The following TET1 variants were observed in gnomAD, a reference collection of about 807,000 sequenced individuals.
The protein encoded by TET1 is tet methylcytosine dioxygenase 1, also known as methylcytosine dioxygenase TET1.
A neutral mutation model predicts 148.7 loss-of-function variants in TET1; 13 were observed. That is an observed-to-expected ratio of 0.09 (90% CI 0.06 to 0.14). The LOEUF (loss-of-function observed/expected upper bound fraction) is 0.14. Ranked by LOEUF, TET1 falls within the 10% of genes least tolerant of loss-of-function variation. The pLI is 1.00. For synonymous variants in TET1, 907 were observed against 937.2 expected (o/e 0.97, Z 0.59); for missense variants, 2,182 against 2,553.8 (o/e 0.85, Z 3.14).
chr10:68,588,478 T>TA (rs1240577010), intron 2 of TET1, among the ~76,000 whole-genome samples: 7 of 152,192 alleles, frequency 4.6e-5, no homozygotes, highest in Non-Finnish European at 1.0e-4. Flanking sequence ...TTGAATGGTA[T>TA]GTGTTCATTT....
At chr10:68,632,524 A>G (rs1003619941) in intron 3 of TET1, 18 of 1,612,630 alleles carry the variant, frequency 1.1e-5, no homozygotes, top group Non-Finnish European at 1.4e-5. Flanking sequence ...TTTTTTGTTC[A>G]CTAGTAGAAT....
chr10:68,620,865 T>C (rs778929877), intron 3 of TET1, among the ~76,000 whole-genome samples: 4 of 152,222 alleles, frequency 2.6e-5, no homozygotes, highest in African/African-American at 7.2e-5. Flanking sequence ...TTTAGCCTCC[T>C]AGTGGGTGGC....
Position 68,691,974 on chromosome 10 carries a change from CTG to C in TET1, c.*163_*164del. ...AACAAAACGGGGTGGGTATTCTTAACTGTGACTATATTTTGACAATTGGTAGA... is the reference window on the plus strand; with the variant it reads ...AACAAAACGGGGTGGGTATTCTTAACTGACTATATTTTGACAATTGGTAGA... On this transcript the variant is annotated 3_prime_UTR_variant, in exon 12 of 12. Transcript: ENST00000373644. This position sits in a 1 kb window ranked among gnomAD's most constrained non-coding sequence, Gnocchi z 4.4. 1.2e-6 allele frequency: 1 copy of C among 821,162 alleles called. No homozygotes were observed. The highest frequency in any genetic ancestry group is 2.6e-5 in the East Asian group (1 of 39,016). 50.9% of individuals were successfully genotyped at this position (821,162 alleles called of 1,614,324 possible).
Position 68,652,408 on chromosome 10 carries a change from A to G in TET1, c.4368-93A>G, listed in dbSNP as rs560119186. 2.2e-4 allele frequency: 175 copies of G among 788,316 alleles called. No homozygotes were observed. In the East Asian group the frequency reaches 3.7e-3, roughly 16 times the overall value. 48.8% of individuals were successfully genotyped at this position (788,316 alleles called of 1,614,324 possible). ...CTAATTTTTGAACTTCTGTACATCT[A>G]TATCTTATATACATTAAGATGTTCA... On this transcript the variant is annotated intron_variant, in intron 5 of 11. Transcript: ENST00000373644.
chr10:68,636,929 G>A (rs951204814), intron 3 of TET1, among the ~76,000 whole-genome samples: 1 of 150,968 alleles, frequency 6.6e-6, no homozygotes, highest in African/African-American at 2.4e-5. Context: ...AGAATATTAG[G>A]TATTCGACAC....
At chr10:68,589,261 A>T (rs1385564066) in intron 2 of TET1, among the ~76,000 whole-genome samples, 1 of 152,004 alleles carries the variant, frequency 6.6e-6, no homozygotes, top group Non-Finnish European at 1.5e-5. Context: ...TATTTTGTCC[A>T]GCTTTTCTAA....
intron 8 of TET1, among the ~76,000 whole-genome samples, chr10:68,680,808 T>C (rs1226812610): frequency 6.6e-6 from 1 of 152,228 alleles, no homozygotes; most frequent in Non-Finnish European, 1.5e-5. Context: ...CTTGCCCACT[T>C]ACTTCCTTTG....
chr10:68,564,558 T>C (rs1377712279), intron 1 of TET1, among the ~76,000 whole-genome samples: 2 of 152,202 alleles, frequency 1.3e-5, no homozygotes, highest in Non-Finnish European at 2.9e-5. Flanking sequence ...TTCCCTTCCA[T>C]GACAGTAAGA....
chr10:68,600,269 T>G (rs1040878726), intron 2 of TET1, among the ~76,000 whole-genome samples: 3 of 152,122 alleles, frequency 2.0e-5, no homozygotes, highest in South Asian at 4.1e-4. Flanking sequence ...CCCTCCCCCA[T>G]GCAGACCTGC....
chr10:68,664,282 A>G (rs2133166006), intron 6 of TET1, among the ~76,000 whole-genome samples: 1 of 152,148 alleles, frequency 6.6e-6, no homozygotes, highest in African/African-American at 2.4e-5. Flanking sequence ...AATTCTCTGT[A>G]TATGTTGTGT....
Position 68,667,091 on chromosome 10 carries a change from G to A in TET1, c.4508G>A (p.Arg1503Gln), listed in dbSNP as rs2055204708. 1 of 1,614,054 alleles carries A rather than the reference G, an allele frequency of 6.2e-7. No individual in the cohort carries two copies. Among genetic ancestry groups the A allele is most frequent in the Non-Finnish European group, 8.5e-7 (1 of 1,180,016 alleles). Reference protein sequence around the residue: ...SDEEKVLCLVRQRTGHHCPTA... With the variant: ...SDEEKVLCLVQQRTGHHCPTA... ...GAAGAAAAAGTTCTTTGTTTGGTCC[G>A]GCAGCGTACAGGCCACCACTGTCCA... is the stretch of plus-strand genomic sequence containing the variant. The change falls in exon 7 of 12, where the codon CGG becomes CAG. Residue 1503 changes from arginine to glutamine, a missense_variant. By Grantham distance (43) the Arg-to-Gln change is conservative. This residue lies in a region of TET1 where 169 missense variants were observed against 263.7 expected (regional missense o/e 0.64). Coordinates refer to ENST00000373644, the MANE Select transcript of TET1 (RefSeq NM_030625.3).
rs1692652805 is a variant in TET1 at position 68,645,949 on chromosome 10, G to A, written c.3220G>A (p.Glu1074Lys). 6.2e-7 allele frequency: 1 copy of A among 1,613,756 alleles called. No homozygotes were observed. The highest frequency in any genetic ancestry group is 1.3e-5 in the African/African-American group (1 of 74,830). The change falls in exon 4 of 12, where the codon GAG becomes AAG. Residue 1074 changes from glutamate to lysine, a missense_variant. By Grantham distance (56) the Glu-to-Lys change is moderately conservative. Transcript: ENST00000373644. ...TCAGGATGCAACCCATACCCAAATT[G>A]AGGAAGATGTTGCAACACAGTTGAC... is the stretch of plus-strand genomic sequence containing the variant. ...SCQDATHTQI[E>K]EDVATQLTQL...
intron 2 of TET1, among the ~76,000 whole-genome samples, chr10:68,589,430 T>G (rs2053894644): frequency 6.6e-6 from 1 of 152,154 alleles, no homozygotes; most frequent in Non-Finnish European, 1.5e-5. Context: ...TGTTTAATAC[T>G]TAGATGCATA....
At chr10:68,684,033 C>A (rs1564510181) in intron 10 of TET1, among the ~76,000 whole-genome samples, 1 of 152,040 alleles carries the variant, frequency 6.6e-6, no homozygotes, top group East Asian at 1.9e-4. Flanking sequence ...AGAGCAATTG[C>A]TTTTGTTTTT....
chr10:68,632,363 T>C lies in TET1; in HGVS notation c.1969-12335T>C, dbSNP rs1443528832. 28 of 1,591,294 alleles carry C rather than the reference T, an allele frequency of 1.8e-5. No individual in the cohort carries two copies. The East Asian group carries it at 6.3e-4, about 36-fold the overall frequency. ...GTGCAGGGCGGGTGGAGTCGCGGAG[T>C]AGTCCTCATGGCCTCCACGCCGGAG... On this transcript the variant is annotated intron_variant, in intron 3 of 11. Transcript: ENST00000373644.
At chr10:68,651,606 AT>A (rs879652941) in intron 4 of TET1, among the ~76,000 whole-genome samples, 2 of 151,680 alleles carry the variant, frequency 1.3e-5, no homozygotes, top group Non-Finnish European at 2.9e-5. Context: ...ATCTTAAAAT[AT>A]TTTTTTTCTC....
intron 3 of TET1, among the ~76,000 whole-genome samples, chr10:68,604,833 A>G (rs896988102): frequency 6.6e-6 from 1 of 152,256 alleles, no homozygotes; most frequent in Non-Finnish European, 1.5e-5. Flanking sequence ...AGATGGCTGA[A>G]GAGTACATAA....
intron 7 of TET1, among the ~76,000 whole-genome samples, chr10:68,668,956 A>C (rs1289556874): frequency 6.7e-6 from 1 of 149,224 alleles, no homozygotes; most frequent in Non-Finnish European, 1.5e-5. Flanking sequence ...CTGAACTCCA[A>C]CCTGAGCAAC....
At chr10:68,577,131 C>T (rs1447705022) in intron 2 of TET1, among the ~76,000 whole-genome samples, 3 of 152,156 alleles carry the variant, frequency 2.0e-5, no homozygotes, top group Non-Finnish European at 4.4e-5. Context: ...AGGATGGTCC[C>T]GATCTCCTGA....
Sources: gnomAD v4.1 joint callset for allele counts (sites outside exome capture counted in the v4.1 genomes callset) on GRCh38, gnomAD v4.1.1 for gene constraint, gnomAD v4.1.1 regional missense constraint, Gnocchi (gnomAD v3.1) non-coding constraint, MANE v1.5 for transcripts, NCBI Gene and HGNC (gene_info 2026-07-23, HGNC 2026-07-21) for gene names.